The following MED24 variants were observed in gnomAD, a reference collection of about 807,000 sequenced individuals.
MED24 encodes mediator of RNA polymerase II transcription subunit 24.
In MED24, 74 loss-of-function variants were observed where a neutral mutation model predicts 118.8. The ratio of observed to expected loss-of-function variants is 0.62; its 90% CI spans 0.52 to 0.76. The LOEUF is 0.76. MED24 is among the 30% of genes least tolerant of loss of function. The pLI is 0.00. For missense variants in MED24, 1,041 were observed against 1,278.9 expected (o/e 0.81, Z 2.84); for synonymous variants, 521 against 523.9 (o/e 0.99, Z 0.08).
chr17:40,041,875 G>C (rs891374948), intron 3 of MED24, among the ~76,000 whole-genome samples: 13 of 152,144 alleles, frequency 8.5e-5, no homozygotes, highest in African/African-American at 3.1e-4. Context: ...TCAGGGGTTG[G>C]AAAACTACAG....
chr17:40,030,666 A>ATT (rs34021774), intron 12 of MED24, among the ~76,000 whole-genome samples: 7,802 of 129,842 alleles, frequency 0.06, 652 homozygotes, highest in African/African-American at 0.2. Flanking sequence ...TTATTTATTT[A>ATT]TTTTTTTTTT....
chr17:40,027,418 T>A lies in MED24; in HGVS notation c.1495A>T (p.Met499Leu). The change falls in exon 16 of 26, where the codon ATG becomes TTG. Residue 499 changes from methionine to leucine, a missense_variant. Transcript: ENST00000394128. Reference protein sequence around the residue: ...RALLFDISFLMLCHVAQTYGS... With the variant: ...RALLFDISFLLLCHVAQTYGS... ...TAGGTCTGGGCCACATGGCACAGCA[T>A]GAGGAAGGAGATGTCAAACAGCAGG... is the stretch of plus-strand genomic sequence containing the variant. 1 of 1,613,692 alleles carries A rather than the reference T, an allele frequency of 6.2e-7. No individual in the cohort carries two copies. The highest frequency in any genetic ancestry group is 8.5e-7 in the Non-Finnish European group (1 of 1,179,854).
chr17:40,052,945 C>G (rs1986003448), intron 3 of MED24, among the ~76,000 whole-genome samples: 1 of 151,988 alleles, frequency 6.6e-6, no homozygotes, highest in Admixed American at 6.6e-5. Flanking sequence ...TTGTTTGTTT[C>G]TTTCCTGAGA....
At chr17:40,045,104 G>A (rs1985018173) in intron 3 of MED24, among the ~76,000 whole-genome samples, 1 of 152,126 alleles carries the variant, frequency 6.6e-6, no homozygotes, top group Admixed American at 6.6e-5. Context: ...AGGATATTCA[G>A]TGAAACATTG....
Position 40,019,161 on chromosome 17 carries a change from A to G in MED24, c.*368T>C. 1 of 161,684 alleles carries G rather than the reference A, an allele frequency of 6.2e-6. No individual in the cohort carries two copies. The highest frequency in any genetic ancestry group is 2.8e-5 in the African/African-American group (1 of 36,112). 10.0% of individuals were successfully genotyped at this position (161,684 alleles called of 1,614,324 possible). A position where few individuals can be genotyped will look rare whatever the true frequency, so the allele number is the denominator to read the frequency against. ...CGAAGGTAGATTTCCCTCACATATT[A>G]CAAAATACACACAAACACACACACA... On this transcript the variant is annotated 3_prime_UTR_variant, in exon 26 of 26. Coordinates refer to ENST00000394128, the MANE Select transcript of MED24 (RefSeq NM_014815.4).
At chr17:40,048,715 G>A (rs539701746) in intron 3 of MED24, among the ~76,000 whole-genome samples, 9 of 151,932 alleles carry the variant, frequency 5.9e-5, no homozygotes, top group Non-Finnish European at 8.8e-5. Context: ...CACCACACCC[G>A]GCTAATTTTT....
In MED24 at chr17:40,026,743, C is replaced by T. The variant is rs1370326969; in HGVS notation, c.1713G>A (p.Gln571=). The T allele has an allele frequency of 1.9e-6, 3 of 1,611,598 alleles. No homozygotes were observed. In the African/African-American group the frequency reaches 4.0e-5, roughly 22 times the overall value. Residue 571 remains glutamine (Q), a synonymous_variant, in exon 18 of 26, where the codon CAG becomes CAA. Transcript: ENST00000394128. ...TGAGACAGGCCTCATGCCACTTCAT[C>T]TGCCTGCGGGTGTGCAGAGAAGTCA... ...LNNSSEMKLV[Q]MKWHEACLSI...
intron 16 of MED24, 45 bp downstream of exon 16, chr17:40,027,338 A>C (rs1242608048): frequency 1.3e-6 from 2 of 1,576,650 alleles, no homozygotes; most frequent in East Asian, 4.6e-5. Context: ...GTTCCGGGTT[A>C]CCTCCTTCCC....
intron 23 of MED24, chr17:40,021,149 A>G (rs1981944948): frequency 6.5e-6 from 1 of 152,918 alleles, no homozygotes; most frequent in South Asian, 2.1e-4. Context: ...AGAGATCCCA[A>G]TGGAATGAGA....
intron 14 of MED24, 38 bp from the exon 15 acceptor site, chr17:40,027,984 T>A: frequency 6.2e-7 from 1 of 1,608,776 alleles, no homozygotes; most frequent in South Asian, 1.1e-5. Context: ...GACCAGGGCA[T>A]GAGCTGAGCA....
At chr17:40,053,928 C>A in intron 1 of MED24, 1 of 539,180 alleles carries the variant, frequency 1.9e-6, no homozygotes, top group South Asian at 2.3e-5. Flanking sequence ...GTCAGGAGTT[C>A]GAGACTAGCC....
In MED24 at chr17:40,022,843, G is replaced by C; in HGVS notation, c.2251-17C>G. 1 of 1,611,390 alleles carries C rather than the reference G, an allele frequency of 6.2e-7. No individual in the cohort carries two copies. The highest frequency in any genetic ancestry group is 8.5e-7 in the Non-Finnish European group (1 of 1,179,490). On this transcript the variant is annotated splice_polypyrimidine_tract_variant and intron_variant, in intron 20 of 25. Transcript: ENST00000394128. ...CAGCAGCTCCTAGTGCGCAGGAAAG[G>C]GGGCAGTTCAGGAGCCAGGGGCCCG...
At position 40,022,707 on chromosome 17, in the gene MED24, G is replaced by A. The variant is rs770164266; in HGVS notation, c.2370C>T (p.Gly790=). ...TLVLLGHILP[G]LLTDSSKWHS... ...GCCACTTGGAGGAGTCAGTGAGCAG[G>A]CCAGGTAGGATGTGGCCCAGCAGGA... The change falls in exon 21 of 26, where the codon GGC becomes GGT. Residue 790 remains glycine, a synonymous_variant. Transcript: ENST00000394128. The A allele has an allele frequency of 7.4e-6, 12 of 1,613,812 alleles. No homozygotes were observed. Among genetic ancestry groups the A allele is most frequent in the Middle Eastern group, 1.7e-4 (1 of 6,020 alleles).
rs59767650 is a variant in MED24 at position 40,019,175 on chromosome 17, AACACACACACACAC to A, written c.*340_*353del. The A allele has an allele frequency of 1.3e-5, 2 of 148,530 alleles. No homozygotes were observed. The highest frequency in any genetic ancestry group is 2.7e-5 in the Non-Finnish European group (2 of 72,748). The allele number at this position is 148,530 out of a possible 1,614,324, so 9.2% of individuals were successfully genotyped here. On this transcript the variant is annotated 3_prime_UTR_variant, in exon 26 of 26. Coordinates refer to ENST00000394128, the MANE Select transcript of MED24 (RefSeq NM_014815.4). ...CCTCACATATTACAAAATACACACA[AACACACACACACAC>A]ACACACACACACACATACACACTTT...
intron 16 of MED24, 127 bp downstream of exon 16, chr17:40,027,256 C>T (rs936168313): frequency 2.6e-6 from 3 of 1,135,034 alleles, no homozygotes; most frequent in Middle Eastern, 3.0e-4. Flanking sequence ...CCCGGGTGGG[C>T]ACCTGGTTTC....
chr17:40,030,664 T>TA (rs5820320), intron 12 of MED24, among the ~76,000 whole-genome samples: 45,664 of 132,112 alleles, frequency 0.35, 8,027 homozygotes, highest in South Asian at 0.51. Flanking sequence ...ATTTATTTAT[T>TA]TATTTTTTTT....
Position 40,022,023 on chromosome 17 carries a change from A to C in MED24, c.2555T>G (p.Val852Gly). ...DYISLFPLDDVQPSKLMRLLS... is the reference protein window; with the variant it reads ...DYISLFPLDDGQPSKLMRLLS... ...CAGTCGCATCAACTTCGAAGGCTGCACATCGTCCAGGGGGAAGAGGCTGAT... is the reference window on the plus strand; with the variant it reads ...CAGTCGCATCAACTTCGAAGGCTGCCCATCGTCCAGGGGGAAGAGGCTGAT... Residue 852 changes from valine to glycine, a missense_variant, in exon 23 of 26, where the codon GTG becomes GGG. Val to Gly is a moderately radical substitution (Grantham distance 109). Coordinates refer to ENST00000394128, the MANE Select transcript of MED24 (RefSeq NM_014815.4). 1 of 1,611,868 alleles carries C rather than the reference A, an allele frequency of 6.2e-7. No homozygotes were observed.
chr17:40,042,054 G>A (rs970974473), intron 3 of MED24, among the ~76,000 whole-genome samples: 42 of 152,034 alleles, frequency 2.8e-4, no homozygotes, highest in African/African-American at 9.9e-4. Context: ...TACTATCTGG[G>A]TCCTTTAAAG....
intron 3 of MED24, among the ~76,000 whole-genome samples, chr17:40,048,676 C>A (rs1985504396): frequency 6.6e-6 from 1 of 152,084 alleles, no homozygotes; most frequent in South Asian, 2.1e-4. Flanking sequence ...GCCTCAGCCT[C>A]CTGAGTAGCT....
Sources: gnomAD v4.1 joint callset for allele counts (sites outside exome capture counted in the v4.1 genomes callset) on GRCh38, gnomAD v4.1.1 for gene constraint, MANE v1.5 for transcripts, NCBI Gene and HGNC (gene_info 2026-07-23, HGNC 2026-07-21) for gene names.